Variants in XPO6 observed in about 807,000 individuals in gnomAD.
XPO6 encodes the protein exportin 6.
XPO6 carries 3 observed loss-of-function variants against 130.0 expected under a neutral mutation model. The observed-to-expected ratio is 0.02, with a 90% CI of 0.01 to 0.06. The LOEUF (loss-of-function observed/expected upper bound fraction) is 0.06, where lower values mean the gene tolerates loss of function less well. Ranked by LOEUF, XPO6 falls within the 10% of genes least tolerant of loss-of-function variation. The pLI is 1.00. For synonymous variants in XPO6, 524 were observed against 548.9 expected, an observed-to-expected ratio of 0.95 and a Z score of 0.63; for missense variants, 970 against 1,393.0, an observed-to-expected ratio of 0.70 and a Z score of 4.83.
chr16:28,103,340 C>T (rs1000749012), intron 21 of XPO6, among the ~76,000 whole-genome samples: 2 of 152,122 alleles, frequency 1.3e-5, no homozygotes, highest in African/African-American at 4.8e-5. Flanking sequence ...TGCTTATTGC[C>T]GAGTGCCAGT....
chr16:28,148,192 C>T (rs1365203459), intron 8 of XPO6, among the ~76,000 whole-genome samples: 1 of 152,196 alleles, frequency 6.6e-6, no homozygotes, highest in African/African-American at 2.4e-5. Flanking sequence ...CGTCAAAGTA[C>T]TTTATAATTA....
At chr16:28,208,309 C>T (rs1486576703) in intron 1 of XPO6, among the ~76,000 whole-genome samples, 1 of 152,120 alleles carries the variant, frequency 6.6e-6, no homozygotes, top group African/African-American at 2.4e-5. Flanking sequence ...CCAACTAATA[C>T]CCTTAAAAGT....
intron 1 of XPO6, among the ~76,000 whole-genome samples, chr16:28,202,359 T>C (rs1400163460): frequency 6.6e-6 from 1 of 152,176 alleles, no homozygotes; most frequent in East Asian, 1.9e-4. Flanking sequence ...TCACGTGGCA[T>C]GATCACATCT....
At chr16:28,145,940 G>T (rs2042974911) in intron 9 of XPO6, among the ~76,000 whole-genome samples, 154 bp downstream of exon 9, 1 of 151,950 alleles carries the variant, frequency 6.6e-6, no homozygotes, top group African/African-American at 2.4e-5. Flanking sequence ...AATACTTAAA[G>T]GAGAAAAAAA....
chr16:28,201,953 A>C (rs543348021), intron 1 of XPO6, among the ~76,000 whole-genome samples: 84 of 152,334 alleles, frequency 5.5e-4, no homozygotes, highest in African/African-American at 1.7e-3. Flanking sequence ...CCAAACTATA[A>C]TCGAAGATGA....
chr16:28,123,181 C>T lies in XPO6; in HGVS notation c.1767-1419G>A, dbSNP rs373981940. 3.9e-5 allele frequency among the ~76,000 whole-genome samples: 6 copies of T among 152,248 alleles called. No homozygotes were observed. The South Asian group carries it at 1.0e-3, about 26-fold the overall frequency. On this transcript the variant is annotated intron_variant, in intron 13 of 23. Transcript: ENST00000304658. ...GGATTGTAGTGATCTTGGCTCACTG[C>T]AGCCTAGACTTCTGGGGCTCAAGTG... is the stretch of plus-strand genomic sequence containing the variant.
intron 15 of XPO6, among the ~76,000 whole-genome samples, chr16:28,116,615 T>C (rs559586441): frequency 5.9e-5 from 9 of 152,224 alleles, no homozygotes; most frequent in East Asian, 1.9e-4. Flanking sequence ...GTAAAGGTCA[T>C]TGTAGGGTTA....
chr16:28,165,742 C>G (rs891415881), intron 6 of XPO6, among the ~76,000 whole-genome samples: 1 of 152,160 alleles, frequency 6.6e-6, no homozygotes, highest in Admixed American at 6.5e-5. Context: ...GCCACATCAA[C>G]CTTTACAGTA....
chr16:28,098,322 C>T lies in XPO6; in HGVS notation c.*216G>A, dbSNP rs554158279. On this transcript the variant is annotated 3_prime_UTR_variant, in exon 24 of 24. Coordinates refer to ENST00000304658, the MANE Select transcript of XPO6 (RefSeq NM_015171.4). ...CCACACACCCCTCCGCCTGCTCCAACGCCCTGGGAGCACCGTCCAGTGCTC... is the reference window on the plus strand; with the variant it reads ...CCACACACCCCTCCGCCTGCTCCAATGCCCTGGGAGCACCGTCCAGTGCTC... The T allele has an allele frequency of 5.0e-5, 25 of 497,406 alleles. No individual in the cohort carries two copies. The highest frequency in any genetic ancestry group is 2.8e-4 in the Admixed American group (8 of 28,568). The allele number at this position is 497,406 out of a possible 1,614,324, so 30.8% of individuals were successfully genotyped here.
rs374573069 is a variant in XPO6 at position 28,169,771 on chromosome 16, T to C, written c.544A>G (p.Thr182Ala). 5.3e-5 allele frequency: 86 copies of C among 1,613,930 alleles called. No homozygotes were observed. Among genetic ancestry groups the C allele is most frequent in the Non-Finnish European group, 6.8e-5 (80 of 1,179,982 alleles). ...TCACCTGTCAGTAGCCCAAGCACTG[T>C]CTGCACCTGGTCCAGTAGCAGCTTC... ...LRKLLLDQVQ[T>A]VLGLLTGILE... The change falls in exon 5 of 24, where the codon ACA becomes GCA. Residue 182 changes from threonine to alanine, a missense_variant. Around this residue, in one of 4 missense-constraint regions of XPO6, gnomAD observed 936 missense variants for 1,306.8 expected, o/e 0.72. Transcript: ENST00000304658.
At chr16:28,099,362 G>A (rs1385193343) in intron 23 of XPO6, among the ~76,000 whole-genome samples, 1 of 152,126 alleles carries the variant, frequency 6.6e-6, no homozygotes, top group Non-Finnish European at 1.5e-5. Context: ...GCCATGAGCA[G>A]GACCAAGTTC....
intron 17 of XPO6, chr16:28,111,025 T>G (rs1195992542): frequency 1.3e-5 from 2 of 152,208 alleles, no homozygotes; most frequent in African/African-American, 2.4e-5. Flanking sequence ...TTAAAACTGG[T>G]CAGATTTAGG....
In XPO6 at chr16:28,211,929, G is replaced by T. The variant is rs569115047; in HGVS notation, c.-561C>A. On this transcript the variant is annotated 5_prime_UTR_variant, in exon 1 of 24. Coordinates refer to ENST00000304658, the MANE Select transcript of XPO6 (RefSeq NM_015171.4). ...CTGGAGCCGCCCGCTAGTACCGCGC[G>T]GCCGCCCCCGACCAACAGCCCCAAC... is the stretch of plus-strand genomic sequence containing the variant. The T allele has an allele frequency of 6.5e-6, 1 of 152,748 alleles. No individual in the cohort carries two copies. The highest frequency in any genetic ancestry group is 1.5e-5 in the Non-Finnish European group (1 of 68,618). The allele number at this position is 152,748 out of a possible 1,614,324, so 9.5% of individuals were successfully genotyped here. A position where few individuals can be genotyped will look rare whatever the true frequency, so the allele number is the denominator to read the frequency against.
chr16:28,135,185 GA>G, intron 10 of XPO6, 30 bp downstream of exon 10: 1 of 1,582,516 alleles, frequency 6.3e-7, no homozygotes, highest in Non-Finnish European at 8.7e-7. Context: ...ACATGACAGC[GA>G]CAAAAAATCA....
chr16:28,158,565 A>T (rs1463835586), intron 6 of XPO6, among the ~76,000 whole-genome samples: 1 of 152,104 alleles, frequency 6.6e-6, no homozygotes, highest in African/African-American at 2.4e-5. Context: ...CTATTTGTAC[A>T]TTTTTCTCAG....
At chr16:28,120,974 A>G (rs2087220516) in intron 14 of XPO6, among the ~76,000 whole-genome samples, 1 of 152,256 alleles carries the variant, frequency 6.6e-6, no homozygotes, top group South Asian at 2.1e-4. Flanking sequence ...AGATTTGGCA[A>G]AGGCCATAGT....
intron 8 of XPO6, among the ~76,000 whole-genome samples, chr16:28,150,164 T>C (rs1477674537): frequency 6.6e-6 from 1 of 152,118 alleles, no homozygotes; most frequent in Non-Finnish European, 1.5e-5. Flanking sequence ...TCTGATTCTG[T>C]CTGGACGTCA....
chr16:28,114,731 T>C (rs1164026746), intron 15 of XPO6, among the ~76,000 whole-genome samples: 1 of 152,220 alleles, frequency 6.6e-6, no homozygotes, highest in Non-Finnish European at 1.5e-5. Context: ...GCTGCATCGA[T>C]TGACTTCCTT....
At chr16:28,156,615 T>G in intron 6 of XPO6, 88 bp from the exon 7 acceptor site, 2 of 822,252 alleles carry the variant, frequency 2.4e-6, no homozygotes, top group Non-Finnish European at 1.8e-6. Flanking sequence ...AATATATATA[T>G]ATATGTATAC....
Sources: allele counts gnomAD v4.1 joint callset (sites outside exome capture counted in the v4.1 genomes callset), GRCh38; gene constraint gnomAD v4.1.1; regional missense constraint gnomAD v4.1.1; transcripts MANE v1.5; gene names NCBI Gene and HGNC (gene_info 2026-07-23, HGNC 2026-07-21).